TECRL: variants seen among roughly 807,000 people sequenced by gnomAD.
TECRL encodes the protein trans-2,3-enoyl-CoA reductase like, also known as trans-2,3-enoyl-CoA reductase-like.
Under a neutral mutation model 52.8 loss-of-function variants are expected in TECRL, and 63 were observed. The ratio of observed to expected loss-of-function variants is 1.19; its 90% CI spans 0.97 to 1.47. The LOEUF (loss-of-function observed/expected upper bound fraction) is 1.47. Among genes scored for constraint, TECRL ranks in the 40% most tolerant of loss-of-function variants. The pLI is 0.00. For missense variants in TECRL, 482 were observed against 429.6 expected (o/e 1.12, Z -1.08); for synonymous variants, 164 against 141.9 (o/e 1.16, Z -1.10).
intron 2 of TECRL, among the ~76,000 whole-genome samples, chr4:64,330,551 A>G (rs1426899842): frequency 2.6e-5 from 4 of 152,076 alleles, no homozygotes; most frequent in African/African-American, 9.7e-5. Flanking sequence ...ACCTGTAATC[A>G]CAACACTTTG....
At chr4:64,384,774 T>C (rs964533766) in intron 1 of TECRL, among the ~76,000 whole-genome samples, 25 of 152,122 alleles carry the variant, frequency 1.6e-4, no homozygotes, top group Non-Finnish European at 1.9e-4. Context: ...ACAGCATGAA[T>C]AGGCCAGTCC....
chr4:64,294,731 A>C (rs1945358851), intron 8 of TECRL, among the ~76,000 whole-genome samples: 1 of 152,104 alleles, frequency 6.6e-6, no homozygotes, highest in South Asian at 2.1e-4. Flanking sequence ...CAGTTTGTTT[A>C]GTTTCAGTTA....
intron 3 of TECRL, among the ~76,000 whole-genome samples, chr4:64,324,173 T>C (rs1197691509): frequency 6.6e-6 from 1 of 152,060 alleles, no homozygotes; most frequent in Non-Finnish European, 1.5e-5. Context: ...AAAATAACCA[T>C]CAGACAAGTC....
intron 2 of TECRL, among the ~76,000 whole-genome samples, chr4:64,339,538 T>G (rs1719394280): frequency 6.6e-6 from 1 of 152,086 alleles, no homozygotes; most frequent in Non-Finnish European, 1.5e-5. Flanking sequence ...TTTCTTCTAA[T>G]TGCTATGTCT....
intron 1 of TECRL, among the ~76,000 whole-genome samples, chr4:64,387,851 C>T (rs559879787): frequency 5.0e-4 from 76 of 151,972 alleles, no homozygotes; most frequent in African/African-American, 1.7e-3. Flanking sequence ...TTGGACTAGT[C>T]TTGCACAAGT....
chr4:64,383,644 G>A (rs902634591), intron 1 of TECRL, among the ~76,000 whole-genome samples: 1 of 151,616 alleles, frequency 6.6e-6, no homozygotes, highest in Non-Finnish European at 1.5e-5. Context: ...GATTACAAAT[G>A]TTTTTCTGAT....
chr4:64,279,938 C>A lies in TECRL; in HGVS notation c.*134G>T, dbSNP rs1722733302. 8.0e-7 allele frequency: 1 copy of A among 1,242,946 alleles called. No individual in the cohort carries two copies. The allele number at this position is 1,242,946 out of a possible 1,614,324, so 77.0% of individuals were successfully genotyped here. ...TTTCTCTAAATTTAGTGAAATTTTA[C>A]TATTTTATATTTTTACTCAGTGTAT... is the stretch of plus-strand genomic sequence containing the variant. On this transcript the variant is annotated 3_prime_UTR_variant, in exon 12 of 12. Coordinates refer to ENST00000381210, the MANE Select transcript of TECRL (RefSeq NM_001010874.5).
At chr4:64,306,314 C>G (rs1001500213) in intron 6 of TECRL, among the ~76,000 whole-genome samples, 4 of 152,034 alleles carry the variant, frequency 2.6e-5, no homozygotes, top group Non-Finnish European at 4.4e-5. Context: ...TCATGGAGCT[C>G]TAGCCGTTGT....
chr4:64,383,531 A>T (rs998111131), intron 1 of TECRL, among the ~76,000 whole-genome samples: 1 of 151,648 alleles, frequency 6.6e-6, no homozygotes, highest in African/African-American at 2.4e-5. Context: ...TGCTTGATCT[A>T]GTCTATTGTG....
At chr4:64,361,734 A>T (rs1228393135) in intron 2 of TECRL, among the ~76,000 whole-genome samples, 2 of 152,162 alleles carry the variant, frequency 1.3e-5, no homozygotes, top group East Asian at 1.9e-4. Flanking sequence ...AACTTCAAAG[A>T]TTAAGGAAAT....
chr4:64,396,954 A>G (rs192712439), intron 1 of TECRL, among the ~76,000 whole-genome samples: 2 of 152,258 alleles, frequency 1.3e-5, no homozygotes, highest in Admixed American at 1.3e-4. Context: ...GTTGAAGATC[A>G]TCACACTATC....
chr4:64,403,970 A>T (rs529937539), intron 1 of TECRL, among the ~76,000 whole-genome samples: 24 of 152,242 alleles, frequency 1.6e-4, no homozygotes, highest in African/African-American at 5.5e-4. Flanking sequence ...TTACAGATGA[A>T]CAAACTAAAG....
At position 64,337,071 on chromosome 4, in the gene TECRL, TTCTGTCTCATTGA is replaced by T. The variant is rs879888018; in HGVS notation, c.287-8528_287-8516del. Among the ~76,000 whole-genome samples the T allele has an allele frequency of 2.4e-4, 36 of 152,262 alleles. No homozygotes were observed. In the Middle Eastern group the frequency reaches 0.01, roughly 43 times the overall value. The stretch of plus-strand genomic sequence containing the variant: ...CAATTCCTGGATATCCTTGTTAATT[TTCTGTCTCATTGA>T]TCTGTCTAATGTTGACAGTGGGGTG... On this transcript the variant is annotated intron_variant, in intron 2 of 11. Transcript: ENST00000381210.
intron 2 of TECRL, among the ~76,000 whole-genome samples, chr4:64,332,818 C>T (rs562690531): frequency 2.0e-5 from 3 of 151,672 alleles, no homozygotes; most frequent in South Asian, 2.1e-4. Context: ...ATATGTGGAA[C>T]GGGAAAGGTG....
intron 2 of TECRL, among the ~76,000 whole-genome samples, chr4:64,367,570 AAT>A: frequency 6.6e-6 from 1 of 152,248 alleles, no homozygotes; most frequent in East Asian, 1.9e-4. Flanking sequence ...AATGACATTA[AAT>A]ATACAGCGAA....
rs116526256 is a variant in TECRL at position 64,327,172 on chromosome 4, T to C, written c.331+1340A>G. 5.4e-3 allele frequency among the ~76,000 whole-genome samples: 821 copies of C among 152,256 alleles called. 5 individuals are homozygous for C. Among genetic ancestry groups the C allele is most frequent in the African/African-American group, 0.019 (781 of 41,568 alleles). On this transcript the variant is annotated intron_variant, in intron 3 of 11. Coordinates refer to ENST00000381210, the MANE Select transcript of TECRL (RefSeq NM_001010874.5). ...AATGAGCTTTGGATTTTGATTTCTT[T>C]GCACCATATCTCACTAAATCAGTTG...
At position 64,333,855 on chromosome 4, in the gene TECRL, C is replaced by T. The variant is rs1006029683; in HGVS notation, c.287-5299G>A. 1.5e-4 allele frequency among the ~76,000 whole-genome samples: 19 copies of T among 122,606 alleles called. 3 individuals are homozygous for T. The highest frequency in any genetic ancestry group is 2.8e-4 in the Non-Finnish European group (17 of 60,682). 80.4% of individuals were successfully genotyped at this position (122,606 alleles called of 152,430 possible). On this transcript the variant is annotated intron_variant, in intron 2 of 11. Coordinates refer to ENST00000381210, the MANE Select transcript of TECRL (RefSeq NM_001010874.5). ...CTAACAAGGTGAAACCCCGTCTCTA[C>T]TAAAAATACAAAAAAAAAATTAGCC...
chr4:64,389,618 T>G (rs570371674), intron 1 of TECRL, among the ~76,000 whole-genome samples: 2 of 152,000 alleles, frequency 1.3e-5, no homozygotes, highest in East Asian at 3.9e-4. Flanking sequence ...AGGGTAATGT[T>G]GGCATCATAG....
chr4:64,297,762 A>G (rs1723771634), intron 8 of TECRL, among the ~76,000 whole-genome samples: 1 of 151,168 alleles, frequency 6.6e-6, no homozygotes, highest in South Asian at 2.1e-4. Flanking sequence ...AATGAATAGC[A>G]GACCTCTTTA....
Sources: gnomAD v4.1 joint callset for allele counts (sites outside exome capture counted in the v4.1 genomes callset) on GRCh38, gnomAD v4.1.1 for gene constraint, MANE v1.5 for transcripts, NCBI Gene and HGNC (gene_info 2026-07-23, HGNC 2026-07-21) for gene names.